Variants in MOXD1 observed in about 807,000 individuals in gnomAD.
MOXD1 encodes DBH-like monooxygenase protein 1.
A neutral mutation model predicts 66.6 loss-of-function variants in MOXD1; 62 were observed. The ratio of observed to expected loss-of-function variants is 0.93; its 90% CI spans 0.76 to 1.15. MOXD1 has a LOEUF of 1.15. MOXD1 is among the 50% of genes most tolerant of loss of function. MOXD1 has a pLI of 0.00. For missense variants in MOXD1, 847 were observed against 754.6 expected (o/e 1.12, Z -1.44); for synonymous variants, 303 against 281.9 (o/e 1.07, Z -0.75).
intron 1 of MOXD1, among the ~76,000 whole-genome samples, chr6:132,392,918 G>C (rs1019154619): frequency 1.4e-4 from 21 of 152,240 alleles, no homozygotes; most frequent in South Asian, 2.1e-4. Context: ...AGTTTTAAAG[G>C]GCCTGTGGCC....
chr6:132,329,626 C>A (rs1181514091), intron 4 of MOXD1, among the ~76,000 whole-genome samples: 1 of 151,958 alleles, frequency 6.6e-6, no homozygotes, highest in Non-Finnish European at 1.5e-5. Flanking sequence ...AGGGCTCAAT[C>A]ATTTTTACTG....
chr6:132,335,998 G>A (rs1177041614), intron 4 of MOXD1, among the ~76,000 whole-genome samples: 1 of 152,160 alleles, frequency 6.6e-6, no homozygotes, highest in African/African-American at 2.4e-5. Flanking sequence ...AGCAATATGT[G>A]AGAAACACAG....
At chr6:132,347,879 C>T (rs1018842417) in intron 4 of MOXD1, among the ~76,000 whole-genome samples, 5 of 151,942 alleles carry the variant, frequency 3.3e-5, no homozygotes, top group African/African-American at 1.2e-4. Flanking sequence ...TTAGTTCTCA[C>T]TCTTCTCTCT....
At chr6:132,320,486 A>T (rs1311807416) in intron 9 of MOXD1, 143 bp downstream of exon 9, 8 of 608,816 alleles carry the variant, frequency 1.3e-5, no homozygotes, top group Non-Finnish European at 2.8e-6. Flanking sequence ...AACATCTCTG[A>T]TGTCACTTTT....
At chr6:132,307,202 A>G (rs1774713983) in intron 10 of MOXD1, among the ~76,000 whole-genome samples, 1 of 152,200 alleles carries the variant, frequency 6.6e-6, no homozygotes, top group South Asian at 2.1e-4. Context: ...AAGAAAAAAA[A>G]AGCAGGGGTT....
chr6:132,303,873 AT>A (rs1562276525), intron 10 of MOXD1, among the ~76,000 whole-genome samples: 538 of 49,686 alleles, frequency 0.011, 5 homozygotes, highest in Middle Eastern at 0.015. Context: ...ATATATATAT[AT>A]ATATACATAT....
intron 9 of MOXD1, among the ~76,000 whole-genome samples, chr6:132,317,053 C>T (rs1774975496): frequency 6.6e-6 from 1 of 151,862 alleles, no homozygotes; most frequent in Non-Finnish European, 1.5e-5. Context: ...AATGACACAT[C>T]ATATATAGGT....
chr6:132,394,212 A>G (rs1229530669), intron 1 of MOXD1, among the ~76,000 whole-genome samples: 2 of 152,206 alleles, frequency 1.3e-5, no homozygotes, highest in African/African-American at 2.4e-5. Context: ...GACACTGTTT[A>G]CAGCTGGAAA....
At chr6:132,377,628 C>T (rs1211882820) in intron 1 of MOXD1, among the ~76,000 whole-genome samples, 4 of 152,122 alleles carry the variant, frequency 2.6e-5, no homozygotes, top group Non-Finnish European at 5.9e-5. Flanking sequence ...CCCCTTGCGC[C>T]ATCTGCCCTA....
Position 132,328,601 on chromosome 6 carries a change from G to A in MOXD1, c.664-7C>T, listed in dbSNP as rs371745775. On this transcript the variant is annotated splice_region_variant and splice_polypyrimidine_tract_variant and intron_variant, in intron 4 of 11. Coordinates refer to ENST00000367963, the MANE Select transcript of MOXD1 (RefSeq NM_015529.4). ...TCTGTATCACTGGCTCAACCTACAC[G>A]AACATAAATGAGAGGGAGGACACAA... 74 of 1,611,714 alleles carry A rather than the reference G, an allele frequency of 4.6e-5. No homozygotes were observed. In the African/African-American group the frequency reaches 6.1e-4, roughly 13 times the overall value.
intron 10 of MOXD1, among the ~76,000 whole-genome samples, chr6:132,310,020 A>C (rs1434904979): frequency 2.0e-5 from 3 of 152,236 alleles, no homozygotes; most frequent in African/African-American, 7.2e-5. Context: ...ATTAAACTAA[A>C]GAACTTCTGC....
intron 1 of MOXD1, chr6:132,390,585 C>T (rs537487642): frequency 8.6e-5 from 13 of 151,728 alleles, no homozygotes; most frequent in East Asian, 7.7e-4. Context: ...CCCAGCATCT[C>T]GAAGTGTTCA....
intron 9 of MOXD1, among the ~76,000 whole-genome samples, chr6:132,316,358 G>C (rs114612491): frequency 0.014 from 2,113 of 152,108 alleles, 57 homozygotes; most frequent in African/African-American, 0.048. Context: ...ACCTTCAATG[G>C]AGAAAAGTCA....
intron 1 of MOXD1, among the ~76,000 whole-genome samples, chr6:132,378,038 C>T (rs1776430115): frequency 6.6e-6 from 1 of 152,036 alleles, no homozygotes; most frequent in African/African-American, 2.4e-5. Context: ...TGAGCTGAGG[C>T]AGGAGAATTG....
chr6:132,297,772 T>C lies in MOXD1; in HGVS notation c.1677+15A>G, dbSNP rs756249049. ...AATGTGTCATCTGGGTTGTCAGAGG[T>C]TAAAAAGAGCTTACCGACCACTCAG... On this transcript the variant is annotated intron_variant, in intron 11 of 11. Coordinates refer to ENST00000367963, the MANE Select transcript of MOXD1 (RefSeq NM_015529.4). The C allele has an allele frequency of 1.9e-6, 3 of 1,579,764 alleles. No individual in the cohort carries two copies. The highest frequency in any genetic ancestry group is 2.6e-6 in the Non-Finnish European group (3 of 1,168,334).
chr6:132,323,717 C>T (rs1319907396), intron 7 of MOXD1, among the ~76,000 whole-genome samples: 1 of 152,138 alleles, frequency 6.6e-6, no homozygotes, highest in Non-Finnish European at 1.5e-5. Context: ...AGAAGAAAAA[C>T]ACCCTGCCAA....
At chr6:132,348,405 A>C (rs929222850) in intron 4 of MOXD1, among the ~76,000 whole-genome samples, 8 of 152,346 alleles carry the variant, frequency 5.3e-5, no homozygotes, top group African/African-American at 1.9e-4. Context: ...CAAATGTTGA[A>C]GTGACCTGCC....
intron 4 of MOXD1, among the ~76,000 whole-genome samples, chr6:132,337,930 G>A (rs2114602041): frequency 6.6e-6 from 1 of 152,266 alleles, no homozygotes; most frequent in East Asian, 1.9e-4. Context: ...TATATGGCCA[G>A]CAAGAAGTAG....
intron 4 of MOXD1, among the ~76,000 whole-genome samples, chr6:132,363,154 T>C (rs1416731249): frequency 6.6e-6 from 1 of 151,858 alleles, no homozygotes; most frequent in Non-Finnish European, 1.5e-5. Flanking sequence ...CAGCAGAATA[T>C]AGTATTTTGC....
Sources: allele counts gnomAD v4.1 joint callset (sites outside exome capture counted in the v4.1 genomes callset), GRCh38; gene constraint gnomAD v4.1.1; transcripts MANE v1.5; gene names NCBI Gene and HGNC (gene_info 2026-07-23, HGNC 2026-07-21).